The following MGMT variants were observed in gnomAD, a reference collection of about 807,000 sequenced individuals.
MGMT encodes the protein O-6-methylguanine-DNA methyltransferase, also known as methylated-DNA--protein-cysteine methyltransferase.
Under a neutral mutation model 15.9 loss-of-function variants are expected in MGMT, and 14 were observed. The ratio of observed to expected loss-of-function variants is 0.88; its 90% confidence interval spans 0.58 to 1.37. MGMT has a LOEUF of 1.37. MGMT is among the 40% of genes most tolerant of loss of function. The pLI is 0.00. For synonymous variants in MGMT, 130 were observed against 118.2 expected (o/e 1.10, Z -0.65); for missense variants, 282 against 268.1 (o/e 1.05, Z -0.36).
intron 3 of MGMT, among the ~76,000 whole-genome samples, chr10:129,720,525 T>G (rs1388440255): frequency 6.6e-6 from 1 of 152,216 alleles, no homozygotes; most frequent in Non-Finnish European, 1.5e-5. Flanking sequence ...CATTCTCTGA[T>G]ATGCTATGGA....
intron 2 of MGMT, among the ~76,000 whole-genome samples, chr10:129,577,476 T>A (rs1846498313): frequency 1.3e-5 from 2 of 152,230 alleles, no homozygotes; most frequent in Admixed American, 1.3e-4. Flanking sequence ...GAAAACTGGC[T>A]AGCCATATGT....
chr10:129,557,716 A>G (rs1393374245), intron 2 of MGMT, among the ~76,000 whole-genome samples: 2 of 152,200 alleles, frequency 1.3e-5, no homozygotes, highest in Non-Finnish European at 2.9e-5. Flanking sequence ...TTTCCCAATT[A>G]TAATAATGGG....
intron 1 of MGMT, among the ~76,000 whole-genome samples, chr10:129,526,466 C>G (rs1312327450): frequency 6.6e-6 from 1 of 152,116 alleles, no homozygotes; most frequent in Admixed American, 6.5e-5. Context: ...CACAAGGGAC[C>G]TGGGCTACCT....
chr10:129,655,225 G>A (rs900170049), intron 2 of MGMT, among the ~76,000 whole-genome samples: 5 of 152,232 alleles, frequency 3.3e-5, no homozygotes, highest in African/African-American at 1.2e-4. Flanking sequence ...GCAGGGCTGC[G>A]CACTGCCGTG....
Position 129,551,353 on chromosome 10 carries a change from A to G in MGMT, c.125+14976A>G, listed in dbSNP as rs554837239. Among the ~76,000 whole-genome samples, 234 of 152,170 alleles carry G rather than the reference A, an allele frequency of 1.5e-3. 2 individuals carry two copies. The highest frequency in any genetic ancestry group is 5.4e-3 in the African/African-American group (226 of 41,512). ...TGATTGGACTTTCGAGAGAAGGTGG[A>G]GGAAGGTTAATAGATAGGTAGGAGA... is the stretch of plus-strand genomic sequence containing the variant. On this transcript the variant is annotated intron_variant, in intron 2 of 4. Coordinates refer to ENST00000651593, the MANE Select transcript of MGMT (RefSeq NM_002412.5).
chr10:129,719,174 A>G (rs1298109960), intron 3 of MGMT, among the ~76,000 whole-genome samples: 3 of 150,456 alleles, frequency 2.0e-5, no homozygotes, highest in Non-Finnish European at 4.4e-5. Flanking sequence ...CAGGCGTGTC[A>G]CCTTCTGCTC....
intron 3 of MGMT, among the ~76,000 whole-genome samples, chr10:129,720,128 CAGA>C (rs1332388691): frequency 5.3e-5 from 8 of 152,142 alleles, no homozygotes; most frequent in Non-Finnish European, 1.5e-5. Context: ...CGCAGCTGTT[CAGA>C]AGGAGTGTTT....
intron 3 of MGMT, among the ~76,000 whole-genome samples, chr10:129,749,458 C>T (rs1448779077): frequency 6.6e-6 from 1 of 152,170 alleles, no homozygotes; most frequent in Admixed American, 6.5e-5. Flanking sequence ...TTCTGCATAG[C>T]TCATTTTTTT....
chr10:129,560,998 T>TGTGTGTGTGTGTG (rs1564852420), intron 2 of MGMT, among the ~76,000 whole-genome samples: 12 of 146,988 alleles, frequency 8.2e-5, no homozygotes, highest in Non-Finnish European at 1.2e-4. Flanking sequence ...TGTGTGTGTG[T>TGTGTGTGTGTGTG]TCCTTTCCCA....
chr10:129,650,756 G>C (rs778113870), intron 2 of MGMT, among the ~76,000 whole-genome samples: 1 of 152,180 alleles, frequency 6.6e-6, no homozygotes, highest in Non-Finnish European at 1.5e-5. Flanking sequence ...GTCACACACT[G>C]TGAAGATGTG....
At chr10:129,548,947 C>T (rs1477557079) in intron 2 of MGMT, among the ~76,000 whole-genome samples, 1 of 152,176 alleles carries the variant, frequency 6.6e-6, no homozygotes, top group African/African-American at 2.4e-5. Flanking sequence ...CGCGGCCTGA[C>T]CTTGGGTCTC....
At chr10:129,641,709 C>T (rs533012387) in intron 2 of MGMT, among the ~76,000 whole-genome samples, 46 of 152,230 alleles carry the variant, frequency 3.0e-4, no homozygotes, top group African/African-American at 1.0e-3. Flanking sequence ...TTTTGATACT[C>T]GGCTGACAAT....
chr10:129,585,486 C>T (rs1212929204), intron 2 of MGMT, among the ~76,000 whole-genome samples: 7 of 152,192 alleles, frequency 4.6e-5, no homozygotes, highest in Non-Finnish European at 7.3e-5. Flanking sequence ...GGACTCCTCT[C>T]GGATACTAAC....
At chr10:129,498,468 C>G (rs1000616974) in intron 1 of MGMT, among the ~76,000 whole-genome samples, 5 of 152,178 alleles carry the variant, frequency 3.3e-5, no homozygotes, top group African/African-American at 1.2e-4. Context: ...GGGAACTGTT[C>G]TGTAAGGAAG....
intron 2 of MGMT, among the ~76,000 whole-genome samples, chr10:129,596,123 G>A (rs149016535): frequency 0.027 from 4,061 of 151,316 alleles, 95 homozygotes; most frequent in South Asian, 0.058. Context: ...CCAGGGTATC[G>A]GTAGCATGTG....
intron 2 of MGMT, among the ~76,000 whole-genome samples, chr10:129,631,153 T>C (rs973406276): frequency 6.7e-6 from 1 of 150,344 alleles, no homozygotes; most frequent in African/African-American, 2.4e-5. Context: ...CAGTCTGCTT[T>C]TTTTTTTTGT....
At chr10:129,652,113 TGTGAATGGGGGA>T (rs1198522719) in intron 2 of MGMT, among the ~76,000 whole-genome samples, 3 of 151,982 alleles carry the variant, frequency 2.0e-5, no homozygotes, top group African/African-American at 7.3e-5. Flanking sequence ...GAGGGGCTTG[TGTGAATGGGGGA>T]GTTATGAAAC....
chr10:129,699,882 A>G (rs1435138419), intron 2 of MGMT, among the ~76,000 whole-genome samples: 1 of 152,134 alleles, frequency 6.6e-6, no homozygotes, highest in Non-Finnish European at 1.5e-5. Flanking sequence ...AGGCCCTACA[A>G]CTAAACACAT....
intron 2 of MGMT, among the ~76,000 whole-genome samples, chr10:129,695,757 C>T (rs1848023684): frequency 1.3e-5 from 2 of 152,208 alleles, no homozygotes. Flanking sequence ...TCAGAAACCG[C>T]TGCCTGCCTG....
Sources: gnomAD v4.1 joint callset for allele counts (sites outside exome capture counted in the v4.1 genomes callset) on GRCh38, gnomAD v4.1.1 for gene constraint, MANE v1.5 for transcripts, NCBI Gene and HGNC (gene_info 2026-07-23, HGNC 2026-07-21) for gene names.